Variants in TCF7L1 observed in about 807,000 individuals in gnomAD.
TCF7L1 encodes transcription factor 7 like 1.
TCF7L1 carries 18 observed loss-of-function variants against 63.7 expected under a neutral mutation model. The ratio of observed to expected loss-of-function variants is 0.28; its 90% CI spans 0.20 to 0.42. The LOEUF is 0.42. Among genes scored for constraint, TCF7L1 ranks in the 10% least tolerant of loss-of-function variants. TCF7L1 has a pLI of 1.00. For missense variants in TCF7L1, 654 were observed against 779.3 expected, an observed-to-expected ratio of 0.84 and a Z score of 1.91; for synonymous variants, 355 against 340.9, an observed-to-expected ratio of 1.04 and a Z score of -0.46.
At chr2:85,163,318 C>A (rs13402724) in intron 3 of TCF7L1, among the ~76,000 whole-genome samples, 6,856 of 152,202 alleles carry the variant, frequency 0.045, 233 homozygotes, top group Admixed American at 0.11. Context: ...TTAAACAGAT[C>A]CCTGCCTAGT....
At chr2:85,212,118 T>C (rs1679565625) in intron 3 of TCF7L1, among the ~76,000 whole-genome samples, 2 of 115,020 alleles carry the variant, frequency 1.7e-5, no homozygotes, top group South Asian at 2.8e-4. Context: ...AAAAAAAAAT[T>C]CCAGACTTCT....
chr2:85,210,858 CAGG>C (rs1679525148), intron 3 of TCF7L1, among the ~76,000 whole-genome samples: 2 of 152,182 alleles, frequency 1.3e-5, no homozygotes, highest in Admixed American at 6.5e-5. Context: ...CCTCCACATG[CAGG>C]GAGGGAAAAT....
At chr2:85,257,106 C>G (rs1005298398) in intron 3 of TCF7L1, among the ~76,000 whole-genome samples, 3 of 151,910 alleles carry the variant, frequency 2.0e-5, no homozygotes, top group Admixed American at 1.3e-4. Flanking sequence ...CTCAGCTACT[C>G]GAGAGGCTGA....
rs139080475 is a variant in TCF7L1, at chr2:85,306,251, C to T, written c.1035C>T (p.His345=). ...AAAAGGAGGAGGAAAAGAAGCCCCA[C>T]GTGAAGAAGCCTCTGAATGCCTTCA... ...TVKKEEEKKP[H]VKKPLNAFML... Residue 345 remains histidine (H), a synonymous_variant, in exon 9 of 12, where the codon CAC becomes CAT. Coordinates refer to ENST00000282111, the MANE Select transcript of TCF7L1 (RefSeq NM_031283.3). The surrounding 1 kb of genome is among the most constrained non-coding windows in gnomAD (Gnocchi z 4.3). 1,931 of 1,614,110 alleles carry T rather than the reference C, an allele frequency of 1.2e-3. 26 individuals are homozygous for T. The African/African-American group carries it at 0.022, about 18-fold the overall frequency.
At chr2:85,295,606 TTCTCTTTC>T (rs1681824167) in intron 4 of TCF7L1, among the ~76,000 whole-genome samples, 1 of 152,112 alleles carries the variant, frequency 6.6e-6, no homozygotes, top group Admixed American at 6.6e-5. Context: ...GGCTTTGTGC[TTCTCTTTC>T]TCTCTCTCTC....
intron 3 of TCF7L1, among the ~76,000 whole-genome samples, chr2:85,257,876 C>T (rs374871664): frequency 1.6e-4 from 25 of 152,272 alleles, no homozygotes; most frequent in African/African-American, 6.0e-4. Context: ...TGGTTCCTTC[C>T]GGCTCTTGAT....
At chr2:85,153,340 A>ATGTTTTTTTTTTTTTTTTTTTTTTT (rs750002994) in intron 3 of TCF7L1, among the ~76,000 whole-genome samples, 29 of 102,264 alleles carry the variant, frequency 2.8e-4, no homozygotes, top group Admixed American at 6.0e-4. Flanking sequence ...GCCTTTATAA[A>ATGTTTTTTTTTTTTTTTTTTTTTTT]TTTTTTTTTT....
At chr2:85,302,355 G>A in intron 4 of TCF7L1, 129 bp from the exon 5 acceptor site, 1 of 1,283,984 alleles carries the variant, frequency 7.8e-7, no homozygotes. Flanking sequence ...CATCTCTCAG[G>A]GACTGTTTTG....
At chr2:85,168,987 A>C (rs1322892077) in intron 3 of TCF7L1, among the ~76,000 whole-genome samples, 1 of 152,166 alleles carries the variant, frequency 6.6e-6, no homozygotes, top group Non-Finnish European at 1.5e-5. Flanking sequence ...AGGACAGAAT[A>C]AATCTGAGAA....
chr2:85,212,153 T>C (rs967532499), intron 3 of TCF7L1, among the ~76,000 whole-genome samples: 20 of 132,964 alleles, frequency 1.5e-4, no homozygotes, highest in Admixed American at 1.3e-3. Context: ...AATCAGGAGG[T>C]ATGGCAAGAA....
chr2:85,293,766 A>C (rs953373248), intron 4 of TCF7L1, among the ~76,000 whole-genome samples: 1 of 152,242 alleles, frequency 6.6e-6, no homozygotes. Flanking sequence ...AAGTGTTAAC[A>C]GTCTCGTGTC....
chr2:85,176,210 C>T (rs1036174543), intron 3 of TCF7L1, among the ~76,000 whole-genome samples: 3 of 152,052 alleles, frequency 2.0e-5, no homozygotes, highest in East Asian at 1.9e-4. Flanking sequence ...GTGTAGCTCT[C>T]GTGCAGCAGC....
chr2:85,134,042 G>A lies in TCF7L1; in HGVS notation c.276G>A (p.Arg92=). ...CGGAGAGGCGCCCGCAGCCCGTCCG[G>A]GACACTTTCCAGAAGCCGCGGGACT... The part of the protein sequence containing the change: ...SEAERRPQPV[R]DTFQKPRDYF... Residue 92 remains arginine, a synonymous_variant, in exon 2 of 12, where the codon CGG becomes CGA. Transcript: ENST00000282111. The surrounding 1 kb of genome is among the most constrained non-coding windows in gnomAD (Gnocchi z 5.0). The A allele has an allele frequency of 6.2e-7, 1 of 1,611,136 alleles. No individual in the cohort carries two copies. Among genetic ancestry groups the A allele is most frequent in the South Asian group, 1.1e-5 (1 of 90,632 alleles).
intron 3 of TCF7L1, among the ~76,000 whole-genome samples, chr2:85,212,218 A>G (rs1679570058): frequency 6.6e-6 from 1 of 151,068 alleles, no homozygotes; most frequent in South Asian, 2.1e-4. Flanking sequence ...GGCTGTGGCC[A>G]CCCCTCCTGC....
chr2:85,274,787 C>T (rs1359862568), intron 3 of TCF7L1, among the ~76,000 whole-genome samples: 1 of 152,196 alleles, frequency 6.6e-6, no homozygotes, highest in Non-Finnish European at 1.5e-5. Context: ...CCAGACCTGT[C>T]TCCCCAGGTA....
chr2:85,135,700 C>CG (rs1030265200), intron 3 of TCF7L1, among the ~76,000 whole-genome samples: 4 of 130,010 alleles, frequency 3.1e-5, no homozygotes, highest in African/African-American at 6.0e-5. Flanking sequence ...GGGGGATTGA[C>CG]GGGGGGCGGT....
chr2:85,259,742 A>G (rs1198666838), intron 3 of TCF7L1, among the ~76,000 whole-genome samples: 2 of 152,228 alleles, frequency 1.3e-5, no homozygotes, highest in Non-Finnish European at 2.9e-5. Flanking sequence ...AGTTGAATTC[A>G]AGCCTCTAGT....
chr2:85,157,017 T>C (rs1053497082), intron 3 of TCF7L1, among the ~76,000 whole-genome samples: 5 of 152,206 alleles, frequency 3.3e-5, no homozygotes, highest in Admixed American at 6.5e-5. Flanking sequence ...AACAAAGAAT[T>C]ATCTGGCCCC....
At chr2:85,202,909 C>T (rs900119374) in intron 3 of TCF7L1, among the ~76,000 whole-genome samples, 11 of 152,180 alleles carry the variant, frequency 7.2e-5, no homozygotes, top group African/African-American at 2.7e-4. Context: ...TCTAGGCTCA[C>T]TGCAAGCTCC....
Sources: allele counts gnomAD v4.1 joint callset (sites outside exome capture counted in the v4.1 genomes callset), GRCh38; gene constraint gnomAD v4.1.1; non-coding constraint Gnocchi (gnomAD v3.1); transcripts MANE v1.5; gene names NCBI Gene and HGNC (gene_info 2026-07-23, HGNC 2026-07-21).